Variants in CYB5R3 observed in about 807,000 individuals in gnomAD.
The protein encoded by CYB5R3 is cytochrome b5 reductase 3.
Under a neutral mutation model 36.5 loss-of-function variants are expected in CYB5R3, and 28 were observed. The observed-to-expected ratio is 0.77, with a 90% CI of 0.57 to 1.05. The LOEUF (loss-of-function observed/expected upper bound fraction) is 1.05, where lower values mean the gene tolerates loss of function less well. Among genes scored for constraint, CYB5R3 ranks in the 50% least tolerant of loss-of-function variants. The pLI, the probability that CYB5R3 is intolerant of heterozygous loss-of-function variation, is 0.00. For synonymous variants in CYB5R3, 181 were observed against 159.8 expected (o/e 1.13, Z -1.00); for missense variants, 474 against 408.9 (o/e 1.16, Z -1.37).
Position 42,619,431 on chromosome 22 carries a change from C to G in CYB5R3, c.*342G>C. ...TGACATCCCGACTATGGTCCACGGC[C>G]GGGAATGGTGGGCAGACGGGGCTGC... On this transcript the variant is annotated 3_prime_UTR_variant, in exon 9 of 9. Coordinates refer to ENST00000352397, the MANE Select transcript of CYB5R3 (RefSeq NM_000398.7). The G allele has an allele frequency of 3.2e-6, 1 of 309,504 alleles. No homozygotes were observed. Among genetic ancestry groups the G allele is most frequent in the Non-Finnish European group, 6.2e-6 (1 of 161,798 alleles). The allele number at this position is 309,504 out of a possible 1,614,324, so 19.2% of individuals were successfully genotyped here.
At position 42,618,640 on chromosome 22, in the gene CYB5R3, G is replaced by A. The variant is rs1280638968; in HGVS notation, c.*1133C>T. 1 of 150,664 alleles carries A rather than the reference G, an allele frequency of 6.6e-6. No homozygotes were observed. Among genetic ancestry groups the A allele is most frequent in the Admixed American group, 6.6e-5 (1 of 15,102 alleles). 9.3% of individuals were successfully genotyped at this position (150,664 alleles called of 1,614,324 possible). On this transcript the variant is annotated 3_prime_UTR_variant, in exon 9 of 9. Coordinates refer to ENST00000352397, the MANE Select transcript of CYB5R3 (RefSeq NM_000398.7). Reference sequence around the variant, plus strand: ...AGGCAGGAGAATCGCTTGAACCCGAGAGGTGGAGGTTGTAGTGAGCTGAGA... The same window carrying A: ...AGGCAGGAGAATCGCTTGAACCCGAAAGGTGGAGGTTGTAGTGAGCTGAGA...
chr22:42,649,336 G>A lies in CYB5R3; in HGVS notation c.-21C>T. 2 of 997,714 alleles carry A rather than the reference G, an allele frequency of 2.0e-6. No homozygotes were observed. Among genetic ancestry groups the A allele is most frequent in the Non-Finnish European group, 1.2e-6 (1 of 824,108 alleles). The allele number at this position is 997,714 out of a possible 1,614,324, so 61.8% of individuals were successfully genotyped here. A position where few individuals can be genotyped will look rare whatever the true frequency, so the allele number is the denominator to read the frequency against. ...CCCATGGTGGCCCCGCGCCGCGCTC[G>A]CTCTGTCGCCGCCGCCGCCGCCGCC... On this transcript the variant is annotated 5_prime_UTR_variant, in exon 1 of 9. Transcript: ENST00000352397.
intron 8 of CYB5R3, among the ~76,000 whole-genome samples, chr22:42,622,445 G>C (rs530253904): frequency 4.2e-4 from 64 of 152,306 alleles, no homozygotes; most frequent in African/African-American, 1.5e-3. Context: ...GAGCATACCA[G>C]GTGGAGCAGC....
chr22:42,631,349 C>A (rs781024962), intron 3 of CYB5R3, 29 bp downstream of exon 3: 2 of 1,546,840 alleles, frequency 1.3e-6, no homozygotes, highest in African/African-American at 2.7e-5. Flanking sequence ...TGCCGGGCTC[C>A]GAATGGGCCC....
chr22:42,646,214 C>T (rs557985095), intron 1 of CYB5R3, among the ~76,000 whole-genome samples: 32 of 152,184 alleles, frequency 2.1e-4, no homozygotes, highest in African/African-American at 7.5e-4. Flanking sequence ...CACACTCACA[C>T]ACACACTCAC....
chr22:42,645,117 T>C (rs1377180481), intron 1 of CYB5R3, among the ~76,000 whole-genome samples: 1 of 152,110 alleles, frequency 6.6e-6, no homozygotes, highest in African/African-American at 2.4e-5. Context: ...ACCCGCGTAT[T>C]AGTGGCTCCG....
intron 7 of CYB5R3, among the ~76,000 whole-genome samples, chr22:42,625,264 T>G (rs1036254671): frequency 1.3e-5 from 2 of 152,304 alleles, no homozygotes; most frequent in East Asian, 3.9e-4. Flanking sequence ...CTCAGCACTT[T>G]GGGAGGCTGA....
At chr22:42,642,879 T>C (rs553591031) in intron 1 of CYB5R3, among the ~76,000 whole-genome samples, 2 of 152,346 alleles carry the variant, frequency 1.3e-5, no homozygotes, top group East Asian at 3.9e-4. Context: ...ACCCTCCCCA[T>C]ATACCTCCCT....
In CYB5R3 at chr22:42,636,701, C is replaced by T. The variant is rs1206331673; in HGVS notation, c.153+14G>A. 15 of 1,608,826 alleles carry T rather than the reference C, an allele frequency of 9.3e-6. No individual in the cohort carries two copies. Among genetic ancestry groups the T allele is most frequent in the African/African-American group, 4.0e-5 (3 of 74,914 alleles). On this transcript the variant is annotated intron_variant, in intron 2 of 8. Transcript: ENST00000352397. ...TGTGATGCTGACGAGGCAGCGGCGG[C>T]GGCCGGCACTCACCTCCCGGTCGAT... is the stretch of plus-strand genomic sequence containing the variant.
intron 1 of CYB5R3, among the ~76,000 whole-genome samples, chr22:42,638,256 C>A (rs527449708): frequency 1.3e-5 from 2 of 151,572 alleles, no homozygotes; most frequent in Non-Finnish European, 2.9e-5. Flanking sequence ...ATTAGCCGGG[C>A]GTGGTGGCAG....
chr22:42,620,642 C>T (rs1462963710), intron 8 of CYB5R3, among the ~76,000 whole-genome samples: 12 of 152,196 alleles, frequency 7.9e-5, no homozygotes, highest in Non-Finnish European at 1.6e-4. Context: ...CACTGGCTGA[C>T]ACAGACACCC....
intron 1 of CYB5R3, among the ~76,000 whole-genome samples, chr22:42,643,450 C>G (rs1322621792): frequency 2.9e-5 from 4 of 136,226 alleles, no homozygotes; most frequent in Admixed American, 1.5e-4. Flanking sequence ...CCCGCCCCCC[C>G]ACCCCCCACC....
At chr22:42,648,569 G>C (rs1315117839) in intron 1 of CYB5R3, among the ~76,000 whole-genome samples, 2 of 152,160 alleles carry the variant, frequency 1.3e-5, no homozygotes, top group African/African-American at 4.8e-5. Context: ...GTTGTGGGAC[G>C]GTGGCCAAGA....
intron 2 of CYB5R3, chr22:42,631,679 C>T (rs1413954484): frequency 1.7e-6 from 1 of 589,792 alleles, no homozygotes; most frequent in Non-Finnish European, 3.0e-6. Context: ...GTCCTGCTGG[C>T]CTAGAGGGGC....
intron 1 of CYB5R3, among the ~76,000 whole-genome samples, chr22:42,648,011 A>C (rs1309935544): frequency 6.6e-6 from 1 of 152,224 alleles, no homozygotes; most frequent in Non-Finnish European, 1.5e-5. Context: ...TTAGAGACAC[A>C]GGCAGGACAT....
At chr22:42,640,299 T>C (rs1449638829) in intron 1 of CYB5R3, 5 of 1,534,980 alleles carry the variant, frequency 3.3e-6, no homozygotes, top group Non-Finnish European at 3.5e-6. Context: ...AAGTCCATCA[T>C]CCCGAATGGC....
intron 1 of CYB5R3, among the ~76,000 whole-genome samples, chr22:42,641,352 G>C (rs1162688890): frequency 1.3e-5 from 2 of 151,710 alleles, no homozygotes; most frequent in African/African-American, 4.8e-5. Flanking sequence ...TCTGGCCCAG[G>C]CTGGAATGCA....
chr22:42,637,592 C>T (rs543196251), intron 1 of CYB5R3, among the ~76,000 whole-genome samples: 3 of 152,274 alleles, frequency 2.0e-5, no homozygotes, highest in South Asian at 2.1e-4. Flanking sequence ...AAGTCCCTTC[C>T]CCTCTCAACC....
chr22:42,635,731 C>T (rs2146891977), intron 2 of CYB5R3, among the ~76,000 whole-genome samples: 1 of 152,262 alleles, frequency 6.6e-6, no homozygotes, highest in South Asian at 2.1e-4. Context: ...GAGACTTGGG[C>T]CCTGGCAGAT....
Sources: allele counts gnomAD v4.1 joint callset (sites outside exome capture counted in the v4.1 genomes callset), GRCh38; gene constraint gnomAD v4.1.1; transcripts MANE v1.5; gene names NCBI Gene and HGNC (gene_info 2026-07-23, HGNC 2026-07-21).